The following ATRNL1 variants were observed in gnomAD, a reference collection of about 807,000 sequenced individuals.
ATRNL1 encodes the protein attractin like 1.
Under a neutral mutation model 182.7 loss-of-function variants are expected in ATRNL1, and 95 were observed. That is an observed-to-expected ratio of 0.52 (90% confidence interval 0.44 to 0.62). The LOEUF (loss-of-function observed/expected upper bound fraction) is 0.62. ATRNL1 is among the 20% of genes least tolerant of loss of function. The probability of loss-of-function intolerance (pLI) is 0.00; values close to 1 mark genes in which losing one functional copy is unlikely to be tolerated. For missense variants in ATRNL1, 1,471 were observed against 1,679.5 expected, an observed-to-expected ratio of 0.88 and a Z score of 2.17; for synonymous variants, 576 against 568.3, an observed-to-expected ratio of 1.01 and a Z score of -0.19.
chr10:115,921,292 T>C (rs1953052467), intron 28 of ATRNL1, among the ~76,000 whole-genome samples: 1 of 150,298 alleles, frequency 6.7e-6, no homozygotes, highest in African/African-American at 2.4e-5. Flanking sequence ...TTATAGATAG[T>C]CTAAAGGATA....
At chr10:115,653,156 G>A (rs1298113885) in intron 26 of ATRNL1, among the ~76,000 whole-genome samples, 1 of 152,162 alleles carries the variant, frequency 6.6e-6, no homozygotes, top group African/African-American at 2.4e-5. Context: ...GCTTTCACAT[G>A]CTTTTATTTT....
At chr10:115,863,280 C>T (rs528434767) in intron 28 of ATRNL1, among the ~76,000 whole-genome samples, 1 of 152,216 alleles carries the variant, frequency 6.6e-6, no homozygotes, top group African/African-American at 2.4e-5. Flanking sequence ...GAATAAATAA[C>T]TATGCTGGGG....
In ATRNL1 at chr10:115,450,830, C is replaced by G. The variant is rs181572966; in HGVS notation, c.3323-11111C>G. 2.9e-3 allele frequency among the ~76,000 whole-genome samples: 439 copies of G among 152,196 alleles called. 1 individual carries two copies. Among genetic ancestry groups the G allele is most frequent in the Middle Eastern group, 6.8e-3 (2 of 294 alleles). On this transcript the variant is annotated intron_variant, in intron 21 of 28. Coordinates refer to ENST00000355044, the MANE Select transcript of ATRNL1 (RefSeq NM_207303.4). The stretch of plus-strand genomic sequence containing the variant: ...CCTGAATAGCCAAGGCAATTTGAAG[C>G]AAAAAGAATAAAGCTGGAGGCTTCA...
intron 26 of ATRNL1, among the ~76,000 whole-genome samples, chr10:115,578,787 CT>C: frequency 6.6e-6 from 1 of 151,200 alleles, no homozygotes; most frequent in Non-Finnish European, 1.5e-5. Context: ...TCAGTTTGTT[CT>C]TTTTCTAGTT....
Position 115,301,868 on chromosome 10 carries a change from A to G in ATRNL1, c.2643A>G (p.Gln881=). 1.2e-6 allele frequency: 2 copies of G among 1,604,102 alleles called. No homozygotes were observed. The highest frequency in any genetic ancestry group is 1.7e-6 in the Non-Finnish European group (2 of 1,176,024). ...TATTTATTCCAGTTAGTCCAAATCA[A>G]AATGCGAGGCCGTGCAAAAAGCCAT... ...VCEKPVVSPN[Q]NARPCKKPCS... Residue 881 remains glutamine (Q), a synonymous_variant, in exon 17 of 29, where the codon CAA becomes CAG. Transcript: ENST00000355044.
intron 27 of ATRNL1, among the ~76,000 whole-genome samples, chr10:115,763,663 G>C (rs1555074238): frequency 2.6e-5 from 4 of 152,006 alleles, no homozygotes; most frequent in Admixed American, 2.6e-4. Context: ...CAATCAATAA[G>C]AAAATGTGTG....
At chr10:115,803,231 T>C (rs937849511) in intron 27 of ATRNL1, among the ~76,000 whole-genome samples, 1 of 150,886 alleles carries the variant, frequency 6.6e-6, no homozygotes, top group Admixed American at 6.7e-5. Flanking sequence ...CCTAGTATAC[T>C]TACCTAAATT....
At chr10:115,174,569 G>A (rs1354349452) in intron 8 of ATRNL1, among the ~76,000 whole-genome samples, 1 of 151,724 alleles carries the variant, frequency 6.6e-6, no homozygotes, top group Non-Finnish European at 1.5e-5. Flanking sequence ...ATTTACAGGG[G>A]TCAGCAAAAG....
Position 115,220,845 on chromosome 10 carries a change from A to G in ATRNL1, c.1532+4965A>G, listed in dbSNP as rs544945524. Among the ~76,000 whole-genome samples, 26 of 151,880 alleles carry G rather than the reference A, an allele frequency of 1.7e-4. No individual in the cohort carries two copies. The Middle Eastern group carries it at 0.014, about 80-fold the overall frequency. On this transcript the variant is annotated intron_variant, in intron 9 of 28. Coordinates refer to ENST00000355044, the MANE Select transcript of ATRNL1 (RefSeq NM_207303.4). ...GAAGTACATCATCTCACTTGCCACTATAAAGCCTGCTACCAGATGCAGCTT... is the reference window on the plus strand; with the variant it reads ...GAAGTACATCATCTCACTTGCCACTGTAAAGCCTGCTACCAGATGCAGCTT...
chr10:115,911,920 A>T (rs1473122764), intron 28 of ATRNL1, among the ~76,000 whole-genome samples: 1 of 151,866 alleles, frequency 6.6e-6, no homozygotes, highest in Non-Finnish European at 1.5e-5. Context: ...TATTTCAGTA[A>T]CTCATTCTGT....
intron 26 of ATRNL1, among the ~76,000 whole-genome samples, chr10:115,666,277 T>C (rs1314689169): frequency 1.3e-5 from 2 of 152,198 alleles, no homozygotes; most frequent in Non-Finnish European, 2.9e-5. Flanking sequence ...TTGGCTGTTA[T>C]GATTAACTGA....
intron 24 of ATRNL1, among the ~76,000 whole-genome samples, chr10:115,491,302 T>C (rs1849290351): frequency 6.6e-6 from 1 of 152,190 alleles, no homozygotes; most frequent in Admixed American, 6.5e-5. Flanking sequence ...TCTTCAGAGC[T>C]GTCAGGCAGT....
chr10:115,169,510 A>G (rs782717640), intron 7 of ATRNL1, among the ~76,000 whole-genome samples: 14 of 151,924 alleles, frequency 9.2e-5, no homozygotes, highest in Non-Finnish European at 1.3e-4. Context: ...TGCCCAACCT[A>G]TCTTGATTAC....
At chr10:115,379,379 C>T (rs1335241727) in intron 19 of ATRNL1, among the ~76,000 whole-genome samples, 1 of 152,086 alleles carries the variant, frequency 6.6e-6, no homozygotes, top group Non-Finnish European at 1.5e-5. Context: ...AATACAGTGC[C>T]ACAAGGGAAT....
intron 21 of ATRNL1, among the ~76,000 whole-genome samples, chr10:115,452,338 T>C (rs887239388): frequency 1.3e-5 from 2 of 152,178 alleles, no homozygotes; most frequent in African/African-American, 4.8e-5. Context: ...ATGACATGCT[T>C]TTTTAAGGTC....
At chr10:115,324,501 A>C (rs1234444802) in intron 18 of ATRNL1, among the ~76,000 whole-genome samples, 1 of 152,070 alleles carries the variant, frequency 6.6e-6, no homozygotes, top group Non-Finnish European at 1.5e-5. Context: ...TACAATATCT[A>C]TGGGGCTTTT....
At chr10:115,260,327 C>T (rs1010592441) in intron 10 of ATRNL1, among the ~76,000 whole-genome samples, 7 of 152,128 alleles carry the variant, frequency 4.6e-5, no homozygotes, top group African/African-American at 1.2e-4. Flanking sequence ...TAGGGTCTTC[C>T]TAAAATGCTG....
At chr10:115,691,754 T>C (rs141352352) in intron 26 of ATRNL1, among the ~76,000 whole-genome samples, 86 of 152,280 alleles carry the variant, frequency 5.6e-4, no homozygotes, top group African/African-American at 1.9e-3. Flanking sequence ...AATCAATCTA[T>C]TCAGTTCCTT....
chr10:115,932,469 G>A (rs1255642293), intron 28 of ATRNL1, among the ~76,000 whole-genome samples: 1 of 152,094 alleles, frequency 6.6e-6, no homozygotes, highest in Non-Finnish European at 1.5e-5. Context: ...CTTTCAGTAA[G>A]GTCTAAGCAA....
Sources: gnomAD v4.1 joint callset for allele counts (sites outside exome capture counted in the v4.1 genomes callset) on GRCh38, gnomAD v4.1.1 for gene constraint, MANE v1.5 for transcripts, NCBI Gene and HGNC (gene_info 2026-07-23, HGNC 2026-07-21) for gene names.